Variants in PAPPA observed in about 807,000 individuals in gnomAD.
The protein encoded by PAPPA is pappalysin-1.
PAPPA carries 60 observed loss-of-function variants against 164.0 expected under a neutral mutation model. The ratio of observed to expected loss-of-function variants is 0.37; its 90% confidence interval spans 0.30 to 0.45. The LOEUF is 0.45. Ranked by LOEUF, PAPPA falls within the 20% of genes least tolerant of loss-of-function variation. The probability of loss-of-function intolerance (pLI) is 1.00; values close to 1 mark genes in which losing one functional copy is unlikely to be tolerated. For missense variants in PAPPA, 1,782 were observed against 2,087.3 expected (o/e 0.85, Z 2.85); for synonymous variants, 875 against 814.1 (o/e 1.07, Z -1.27).
intron 7 of PAPPA, among the ~76,000 whole-genome samples, chr9:116,258,229 T>C (rs950513875): frequency 2.6e-5 from 4 of 152,054 alleles, no homozygotes; most frequent in Admixed American, 2.6e-4. Flanking sequence ...AAGCTTCACA[T>C]GGAATTTCAC....
chr9:116,319,568 G>A (rs1419778784), intron 10 of PAPPA, among the ~76,000 whole-genome samples: 2 of 152,196 alleles, frequency 1.3e-5, no homozygotes, highest in African/African-American at 2.4e-5. Context: ...CCATCACAGT[G>A]ACATAAGGAT....
At chr9:116,321,487 C>A (rs1845855719) in intron 10 of PAPPA, among the ~76,000 whole-genome samples, 1 of 152,124 alleles carries the variant, frequency 6.6e-6, no homozygotes, top group African/African-American at 2.4e-5. Flanking sequence ...AGAGTGACTC[C>A]CCATAGTGTT....
chr9:116,231,084 T>TATATATAG (rs890518250), intron 6 of PAPPA, among the ~76,000 whole-genome samples: 1 of 151,952 alleles, frequency 6.6e-6, no homozygotes, highest in Non-Finnish European at 1.5e-5. Context: ...TGTATATATA[T>TATATATAG]ATAGATATAT....
chr9:116,265,265 G>A (rs1845052679), intron 7 of PAPPA, among the ~76,000 whole-genome samples: 1 of 152,136 alleles, frequency 6.6e-6, no homozygotes, highest in Admixed American at 6.5e-5. Flanking sequence ...TTTAGCCTAA[G>A]GCCCTATATT....
chr9:116,251,091 G>A (rs936609322), intron 7 of PAPPA, among the ~76,000 whole-genome samples: 7 of 152,146 alleles, frequency 4.6e-5, no homozygotes, highest in Non-Finnish European at 1.0e-4. Context: ...AACCTTTTAG[G>A]TTCAAGTTCT....
At chr9:116,252,522 G>C (rs894952401) in intron 7 of PAPPA, among the ~76,000 whole-genome samples, 2 of 152,220 alleles carry the variant, frequency 1.3e-5, no homozygotes, top group African/African-American at 4.8e-5. Flanking sequence ...CTACTGAGTA[G>C]CTGGGTCCAG....
At chr9:116,373,850 T>C (rs932911747) in intron 19 of PAPPA, 1 of 152,148 alleles carries the variant, frequency 6.6e-6, no homozygotes, top group Non-Finnish European at 1.5e-5. Flanking sequence ...TTGGGGCAGG[T>C]CATTTAACTT....
At chr9:116,317,333 C>T (rs1033851164) in intron 10 of PAPPA, among the ~76,000 whole-genome samples, 4 of 152,076 alleles carry the variant, frequency 2.6e-5, no homozygotes, top group Admixed American at 1.3e-4. Flanking sequence ...CCTGATTAAC[C>T]CATGAATGCC....
At chr9:116,219,237 CA>C (rs2118702969) in intron 4 of PAPPA, among the ~76,000 whole-genome samples, 1 of 152,332 alleles carries the variant, frequency 6.6e-6, no homozygotes, top group Admixed American at 6.5e-5. Context: ...ATTGACATCA[CA>C]GACTTTAGTA....
intron 1 of PAPPA, among the ~76,000 whole-genome samples, chr9:116,186,200 C>T (rs1476663524): frequency 8.0e-6 from 1 of 124,984 alleles, no homozygotes; most frequent in Non-Finnish European, 1.8e-5. Context: ...AGAAGGCACT[C>T]ATTATATGTG....
At chr9:116,203,992 A>G (rs1001505453) in intron 2 of PAPPA, among the ~76,000 whole-genome samples, 1 of 152,186 alleles carries the variant, frequency 6.6e-6, no homozygotes, top group African/African-American at 2.4e-5. Context: ...AGGAAGAGAC[A>G]CTGAAAGCTG....
In PAPPA at chr9:116,314,898, C is replaced by T. The variant is rs542196204; in HGVS notation, c.3147+11948C>T. Among the ~76,000 whole-genome samples the T allele has an allele frequency of 1.6e-4, 24 of 152,316 alleles. No homozygotes were observed. The East Asian group carries it at 4.2e-3, about 27-fold the overall frequency. The stretch of plus-strand genomic sequence containing the variant: ...TCAGACAGGCTTGAGCACAAGCTGA[C>T]TTTCAGTGTGCATTGCTTGTGTCCA... On this transcript the variant is annotated intron_variant, in intron 10 of 21. Transcript: ENST00000328252.
intron 7 of PAPPA, among the ~76,000 whole-genome samples, chr9:116,259,773 T>G (rs1244418545): frequency 6.6e-6 from 1 of 152,212 alleles, no homozygotes; most frequent in African/African-American, 2.4e-5. Context: ...TATCTTAACC[T>G]AATGATACCA....
At chr9:116,303,415 G>C (rs1264338570) in intron 10 of PAPPA, among the ~76,000 whole-genome samples, 2 of 152,114 alleles carry the variant, frequency 1.3e-5, no homozygotes, top group Non-Finnish European at 2.9e-5. Context: ...TGAGCTTGTT[G>C]ATCTCCAAGG....
In PAPPA at chr9:116,257,097, G is replaced by A. The variant is rs529141085; in HGVS notation, c.2733-8760G>A. Among the ~76,000 whole-genome samples the A allele has an allele frequency of 2.6e-5, 4 of 151,940 alleles. No individual in the cohort carries two copies. In the South Asian group the frequency reaches 6.3e-4, roughly 24 times the overall value. ...TTTCAATCAATGGAATTTCTAACAA[G>A]CGAAAATCTTATATATTTGCCAACA... is the stretch of plus-strand genomic sequence containing the variant. On this transcript the variant is annotated intron_variant, in intron 7 of 21. Transcript: ENST00000328252.
At position 116,157,893 on chromosome 9, in the gene PAPPA, G is replaced by GC. The variant is rs533782853; in HGVS notation, c.415+3313dup. Among the ~76,000 whole-genome samples the GC allele has an allele frequency of 2.9e-4, 44 of 151,554 alleles. No homozygotes were observed. The East Asian group carries it at 5.5e-3, about 19-fold the overall frequency. ...AGACCCCTGTTCCTCATCCCCAACT[G>GC]CCCCCCCAACACCCCTCCAGTTTGA... On this transcript the variant is annotated intron_variant, in intron 1 of 21. Transcript: ENST00000328252.
At chr9:116,328,060 T>A (rs1327735818) in intron 10 of PAPPA, among the ~76,000 whole-genome samples, 4 of 152,236 alleles carry the variant, frequency 2.6e-5, no homozygotes, top group Admixed American at 2.6e-4. Context: ...GAGGAAATAG[T>A]ATTTAAGCAA....
chr9:116,347,665 A>C lies in PAPPA; in HGVS notation c.3964+456A>C, dbSNP rs772584492. ...AGAACTTGCCCAAGGCTGCACCATC[A>C]GTGGTGGGGACCATATTGAAACCCA... On this transcript the variant is annotated intron_variant, in intron 15 of 21. Transcript: ENST00000328252. This position sits in a 1 kb window ranked among gnomAD's most constrained non-coding sequence, Gnocchi z 4.5. Among the ~76,000 whole-genome samples, 28 of 152,194 alleles carry C rather than the reference A, an allele frequency of 1.8e-4. No individual in the cohort carries two copies. Among genetic ancestry groups the C allele is most frequent in the Non-Finnish European group, 1.8e-4 (12 of 68,024 alleles).
chr9:116,232,757 A>G (rs758268155), intron 6 of PAPPA, among the ~76,000 whole-genome samples: 1 of 152,180 alleles, frequency 6.6e-6, no homozygotes, highest in Non-Finnish European at 1.5e-5. Context: ...TCTTTTTTAC[A>G]TCTAAGGGTT....
Sources: allele counts gnomAD v4.1 joint callset (sites outside exome capture counted in the v4.1 genomes callset), GRCh38; gene constraint gnomAD v4.1.1; non-coding constraint Gnocchi (gnomAD v3.1); transcripts MANE v1.5; gene names NCBI Gene and HGNC (gene_info 2026-07-23, HGNC 2026-07-21).